The following INPP4B variants were observed in gnomAD, a reference collection of about 807,000 sequenced individuals.
INPP4B encodes inositol polyphosphate 4-phosphatase type II.
A neutral mutation model predicts 122.5 loss-of-function variants in INPP4B; 55 were observed. That is an observed-to-expected ratio of 0.45 (90% confidence interval 0.36 to 0.56). The LOEUF (loss-of-function observed/expected upper bound fraction) is 0.56. Ranked by LOEUF, INPP4B falls within the 20% of genes least tolerant of loss-of-function variation. The probability of loss-of-function intolerance (pLI) is 0.00; values close to 1 mark genes in which losing one functional copy is unlikely to be tolerated. For synonymous variants in INPP4B, 403 were observed against 388.7 expected (o/e 1.04, Z -0.43); for missense variants, 1,000 against 1,097.7 (o/e 0.91, Z 1.26).
At chr4:142,456,510 G>A (rs2149549285) in intron 3 of INPP4B, among the ~76,000 whole-genome samples, 1 of 152,068 alleles carries the variant, frequency 6.6e-6, no homozygotes, top group South Asian at 2.1e-4. Context: ...CCAGTACCAT[G>A]CTGTTTTTGT....
At chr4:142,763,161 C>A (rs1771595839) in intron 1 of INPP4B, among the ~76,000 whole-genome samples, 1 of 152,168 alleles carries the variant, frequency 6.6e-6, no homozygotes. Context: ...CCTTTAATTT[C>A]TCTAAGCATC....
At chr4:142,226,521 A>G (rs983856786) in intron 12 of INPP4B, among the ~76,000 whole-genome samples, 1 of 152,210 alleles carries the variant, frequency 6.6e-6, no homozygotes, top group Non-Finnish European at 1.5e-5. Flanking sequence ...TCCCTTCCTA[A>G]AAGATAATTC....
At chr4:142,391,701 T>C (rs1797746241) in intron 7 of INPP4B, among the ~76,000 whole-genome samples, 1 of 152,216 alleles carries the variant, frequency 6.6e-6, no homozygotes, top group Non-Finnish European at 1.5e-5. Flanking sequence ...CTGCATGCCA[T>C]GATTCATCAT....
intron 7 of INPP4B, among the ~76,000 whole-genome samples, chr4:142,319,463 T>C (rs1484781795): frequency 6.6e-6 from 1 of 152,222 alleles, no homozygotes; most frequent in African/African-American, 2.4e-5. Context: ...AGTGTCTTAA[T>C]AATCAAACAT....
intron 7 of INPP4B, among the ~76,000 whole-genome samples, chr4:142,387,083 G>T (rs1273753305): frequency 6.6e-6 from 1 of 152,164 alleles, no homozygotes; most frequent in Non-Finnish European, 1.5e-5. Flanking sequence ...CTGGGTCCAG[G>T]ATGTGATTTG....
At chr4:142,605,407 A>G (rs1272017673) in intron 2 of INPP4B, among the ~76,000 whole-genome samples, 1 of 152,096 alleles carries the variant, frequency 6.6e-6, no homozygotes, top group Non-Finnish European at 1.5e-5. Flanking sequence ...ACAGGCAATA[A>G]AAACAGAAAT....
At chr4:142,317,778 A>G (rs910438056) in intron 7 of INPP4B, among the ~76,000 whole-genome samples, 3 of 152,204 alleles carry the variant, frequency 2.0e-5, no homozygotes, top group African/African-American at 4.8e-5. Context: ...TGCAAAAACC[A>G]AAACAAAAAT....
At chr4:142,837,232 A>C (rs1281540767) in intron 1 of INPP4B, among the ~76,000 whole-genome samples, 1 of 152,064 alleles carries the variant, frequency 6.6e-6, no homozygotes, top group Non-Finnish European at 1.5e-5. Context: ...AAAGATATGA[A>C]TTAGCACTAC....
chr4:142,666,017 T>A (rs1755986012), intron 2 of INPP4B, among the ~76,000 whole-genome samples: 1 of 152,166 alleles, frequency 6.6e-6, no homozygotes, highest in Non-Finnish European at 1.5e-5. Flanking sequence ...AAAAGTTATG[T>A]CAATCTGGCC....
At chr4:142,036,213 C>T (rs1743838821) in intron 25 of INPP4B, among the ~76,000 whole-genome samples, 1 of 152,092 alleles carries the variant, frequency 6.6e-6, no homozygotes, top group Admixed American at 6.6e-5. Context: ...TATCCTAGCA[C>T]TACCTCCTAA....
intron 12 of INPP4B, among the ~76,000 whole-genome samples, chr4:142,211,429 T>G (rs1253780066): frequency 1.3e-5 from 2 of 152,102 alleles, no homozygotes; most frequent in Non-Finnish European, 2.9e-5. Context: ...TCAAAAAACC[T>G]CCTAGATTAA....
intron 2 of INPP4B, among the ~76,000 whole-genome samples, chr4:142,671,528 A>C (rs1756996269): frequency 6.6e-6 from 1 of 152,094 alleles, no homozygotes; most frequent in Non-Finnish European, 1.5e-5. Flanking sequence ...GCTCATCTCA[A>C]ATGCAATTTC....
intron 25 of INPP4B, among the ~76,000 whole-genome samples, chr4:142,032,496 C>T (rs1163303449): frequency 6.6e-6 from 1 of 152,148 alleles, no homozygotes; most frequent in African/African-American, 2.4e-5. Flanking sequence ...CTAGATGGCT[C>T]ATTGGAGCAG....
intron 7 of INPP4B, among the ~76,000 whole-genome samples, chr4:142,398,208 T>A (rs1408312803): frequency 1.3e-5 from 2 of 150,588 alleles, no homozygotes; most frequent in Non-Finnish European, 3.0e-5. Flanking sequence ...ACCCCGTCTC[T>A]ACTAAAGATA....
intron 2 of INPP4B, among the ~76,000 whole-genome samples, chr4:142,527,962 A>G (rs1444758722): frequency 6.6e-6 from 1 of 152,070 alleles, no homozygotes; most frequent in African/African-American, 2.4e-5. Context: ...AATCAAGGCA[A>G]TAGAACCAAG....
chr4:142,205,944 C>A (rs919419353), intron 14 of INPP4B, among the ~76,000 whole-genome samples: 2 of 152,052 alleles, frequency 1.3e-5, no homozygotes, highest in African/African-American at 4.8e-5. Flanking sequence ...TGTCTTACTC[C>A]ATTTTGTGCT....
chr4:142,808,551 A>G (rs2151114740), intron 1 of INPP4B, among the ~76,000 whole-genome samples: 1 of 152,300 alleles, frequency 6.6e-6, no homozygotes, highest in East Asian at 1.9e-4. Flanking sequence ...AATAATATGC[A>G]TAAGTAATTA....
chr4:142,550,210 G>A (rs1727635393), intron 2 of INPP4B, among the ~76,000 whole-genome samples: 1 of 152,144 alleles, frequency 6.6e-6, no homozygotes, highest in South Asian at 2.1e-4. Context: ...GGTGGAAAAT[G>A]CTCACTATGT....
intron 2 of INPP4B, among the ~76,000 whole-genome samples, chr4:142,592,051 C>T (rs558351090): frequency 6.6e-6 from 1 of 152,158 alleles, no homozygotes; most frequent in South Asian, 2.1e-4. Flanking sequence ...CTAAATGTAC[C>T]ACACTTGCAC....
Sources: allele counts gnomAD v4.1 joint callset (sites outside exome capture counted in the v4.1 genomes callset), GRCh38; gene constraint gnomAD v4.1.1; transcripts MANE v1.5; gene names NCBI Gene and HGNC (gene_info 2026-07-23, HGNC 2026-07-21).